FZD8: variants seen among roughly 807,000 people sequenced by gnomAD.
FZD8 encodes frizzled-8.
FZD8 carries 18 observed loss-of-function variants against 46.0 expected under a neutral mutation model. That is an observed-to-expected ratio of 0.39 (90% CI 0.27 to 0.58). The LOEUF (loss-of-function observed/expected upper bound fraction) is 0.58, where lower values mean the gene tolerates loss of function less well. FZD8 is among the 20% of genes least tolerant of loss of function. The probability of loss-of-function intolerance (pLI) is 0.55; values close to 1 mark genes in which losing one functional copy is unlikely to be tolerated. For missense variants in FZD8, 785 were observed against 983.4 expected (o/e 0.80, Z 2.70); for synonymous variants, 586 against 467.9 (o/e 1.25, Z -3.26).
At position 35,641,638 on chromosome 10, in the gene FZD8, C is replaced by T. The variant is rs1031405557; in HGVS notation, c.-209G>A. On this transcript the variant is annotated 5_prime_UTR_variant, in exon 1 of 1. Coordinates refer to ENST00000374694, the MANE Select transcript of FZD8 (RefSeq NM_031866.3). This position sits in a 1 kb window ranked among gnomAD's most constrained non-coding sequence, Gnocchi z 6.3. ...GCCCGCAGCCTGGGCAGGGCCCTTCCGCACTCCTTTCCGCCGCTCCGGGGG... is the reference window on the plus strand; with the variant it reads ...GCCCGCAGCCTGGGCAGGGCCCTTCTGCACTCCTTTCCGCCGCTCCGGGGG... The T allele has an allele frequency of 2.9e-5, 18 of 614,468 alleles. No homozygotes were observed. Among genetic ancestry groups the T allele is most frequent in the Non-Finnish European group, 3.6e-5 (13 of 364,964 alleles). 38.1% of individuals were successfully genotyped at this position (614,468 alleles called of 1,614,324 possible).
In FZD8 at chr10:35,640,357, G is replaced by GC. The variant is rs1835835587; in HGVS notation, c.1072dup (p.Ala358GlyfsTer363). On this transcript the variant is annotated frameshift_variant, in exon 1 of 1. Coordinates refer to ENST00000374694, the MANE Select transcript of FZD8 (RefSeq NM_031866.3). LOFTEE classifies it high-confidence loss of function. The stretch of plus-strand genomic sequence containing the variant: ...GCCCGCGCCCGCCGCGCCCGCGCCC[G>GC]CCGCCGCGCCGCCCGCGCCCCCAGC... The GC allele has an allele frequency of 1.0e-6, 1 of 962,170 alleles. No individual in the cohort carries two copies. 59.6% of individuals were successfully genotyped at this position (962,170 alleles called of 1,614,324 possible).
Position 35,640,644 on chromosome 10 carries a change from C to T in FZD8, c.786G>A (p.Leu262=). ...VKTGQIANCA[L]PCHNPFFSQD... ...GGCTGAAAAAGGGGTTGTGGCAGGG[C>T]AGCGCGCAGTTAGCGATCTGGCCTG... Residue 262 remains leucine, a synonymous_variant, in exon 1 of 1, where the codon CTG becomes CTA. Transcript: ENST00000374694. 6.3e-7 allele frequency: 1 copy of T among 1,581,198 alleles called. No homozygotes were observed. The highest frequency in any genetic ancestry group is 8.6e-7 in the Non-Finnish European group (1 of 1,161,950).
chr10:35,641,442 G>T lies in FZD8; in HGVS notation c.-13C>A, dbSNP rs749960442. 2 of 1,584,658 alleles carry T rather than the reference G, an allele frequency of 1.3e-6. No homozygotes were observed. The highest frequency in any genetic ancestry group is 1.7e-6 in the Non-Finnish European group (2 of 1,168,154). On this transcript the variant is annotated 5_prime_UTR_variant, in exon 1 of 1. Coordinates refer to ENST00000374694, the MANE Select transcript of FZD8 (RefSeq NM_031866.3). The surrounding 1 kb of genome is among the most constrained non-coding windows in gnomAD (Gnocchi z 6.3). ...AACCCCACTCCATGCTGTGCGCCTC[G>T]GCCCGGTGCCCTCGCCCTCCAGGCG...
At position 35,639,589 on chromosome 10, in the gene FZD8, C is replaced by T; in HGVS notation, c.1841G>A (p.Arg614His). 1 of 1,596,116 alleles carries T rather than the reference C, an allele frequency of 6.3e-7. No individual in the cohort carries two copies. Among genetic ancestry groups the T allele is most frequent in the Non-Finnish European group, 8.5e-7 (1 of 1,178,750 alleles). Residue 614 changes from arginine (R) to histidine (H), a missense_variant, in exon 1 of 1, where the codon CGC becomes CAC. Physicochemically the swap from Arg to His is conservative, Grantham distance 29 (BLOSUM62 0). Around this residue, in one of 5 missense-constraint regions of FZD8, gnomAD observed 185 missense variants for 180.8 expected, o/e 1.02. Coordinates refer to ENST00000374694, the MANE Select transcript of FZD8 (RefSeq NM_031866.3). The part of the protein sequence containing the change: ...VWSGKTLESW[R>H]SLCTRCCWAS... The stretch of plus-strand genomic sequence containing the variant: ...CCAGCAGCAGCGGGTGCACAGGGAG[C>T]GCCAGGACTCCAGCGTCTTGCCGGA...
chr10:35,639,575 G>T lies in FZD8; in HGVS notation c.1855C>A (p.Arg619Ser), dbSNP rs1252685444. 6 of 1,571,882 alleles carry T rather than the reference G, an allele frequency of 3.8e-6. No homozygotes were observed. Among genetic ancestry groups the T allele is most frequent in the Non-Finnish European group, 5.1e-6 (6 of 1,165,600 alleles). Residue 619 changes from arginine (R) to serine (S), a missense_variant, in exon 1 of 1, where the codon CGC (arginine) becomes AGC (serine). By Grantham distance (110) the Arg-to-Ser change is moderately radical. Transcript: ENST00000374694. ...GCGCCCTTGCTGGCCCAGCAGCAGC[G>T]GGTGCACAGGGAGCGCCAGGACTCC... ...TLESWRSLCTRCCWASKGAAV... is the reference protein window; with the variant it reads ...TLESWRSLCTSCCWASKGAAV...
In FZD8 at chr10:35,640,132, G is replaced by A; in HGVS notation, c.1298C>T (p.Ala433Val). Residue 433 changes from alanine (A) to valine (V), a missense_variant, in exon 1 of 1, where the codon GCC becomes GTC. Transcript: ENST00000374694. ...LAAGMKWGNEAIAGYSQYFHL... is the reference protein window; with the variant it reads ...LAAGMKWGNEVIAGYSQYFHL... The stretch of plus-strand genomic sequence containing the variant: ...GAAGTACTGCGAGTAGCCGGCGATG[G>A]CTTCGTTGCCCCACTTCATACCGGC... 6.2e-7 allele frequency: 1 copy of A among 1,613,164 alleles called. No individual in the cohort carries two copies. The highest frequency in any genetic ancestry group is 2.2e-5 in the East Asian group (1 of 44,852).
chr10:35,641,773 G>GCGCT lies in FZD8; in HGVS notation c.-348_-345dup, dbSNP rs911503519. 1.6e-5 allele frequency: 3 copies of GCGCT among 192,008 alleles called. No individual in the cohort carries two copies. Among genetic ancestry groups the GCGCT allele is most frequent in the Admixed American group, 1.2e-4 (2 of 16,270 alleles). 11.9% of individuals were successfully genotyped at this position (192,008 alleles called of 1,614,324 possible). On this transcript the variant is annotated 5_prime_UTR_variant, in exon 1 of 1. Transcript: ENST00000374694. This position sits in a 1 kb window ranked among gnomAD's most constrained non-coding sequence, Gnocchi z 6.3. ...CGGCCGGGCCTCGGCTCATCGTCCCGCGCTCGCTCGCCTCCTCTCCGCGCG... is the reference window on the plus strand; with the variant it reads ...CGGCCGGGCCTCGGCTCATCGTCCCGCGCTCGCTCGCTCGCCTCCTCTCCGCGCG...
chr10:35,639,585 G>A lies in FZD8; in HGVS notation c.1845C>T (p.Ser615=), dbSNP rs762940315. Residue 615 remains serine, a synonymous_variant, in exon 1 of 1, where the codon TCC becomes TCT. Coordinates refer to ENST00000374694, the MANE Select transcript of FZD8 (RefSeq NM_031866.3). ...TGGCCCAGCAGCAGCGGGTGCACAG[G>A]GAGCGCCAGGACTCCAGCGTCTTGC... ...WSGKTLESWR[S]LCTRCCWASK... The A allele has an allele frequency of 3.1e-6, 5 of 1,593,628 alleles. No individual in the cohort carries two copies. The highest frequency in any genetic ancestry group is 4.2e-6 in the Non-Finnish European group (5 of 1,177,458).
Position 35,641,561 on chromosome 10 carries a change from G to C in FZD8, c.-132C>G. 8.1e-7 allele frequency: 1 copy of C among 1,232,592 alleles called. No homozygotes were observed. Among genetic ancestry groups the C allele is most frequent in the South Asian group, 1.6e-5 (1 of 63,524 alleles). The allele number at this position is 1,232,592 out of a possible 1,614,324, so 76.4% of individuals were successfully genotyped here. ...GTCTCCCTTATGCTTCGCCCGGGAG[G>C]GGGGTCTGCCGATAATCTAACCCCT... On this transcript the variant is annotated 5_prime_UTR_variant, in exon 1 of 1. Transcript: ENST00000374694. The surrounding 1 kb of genome is among the most constrained non-coding windows in gnomAD (Gnocchi z 6.3).
Position 35,639,826 on chromosome 10 carries a change from A to G in FZD8, c.1604T>C (p.Leu535Pro). Reference sequence around the variant, plus strand: ...GGGCACGGTGTAGAGCACGGTGAACAGGCCCAGGCGGATCATCAGCTTCTC... The same window carrying G: ...GGGCACGGTGTAGAGCACGGTGAACGGGCCCAGGCGGATCATCAGCTTCTC... ...KLEKLMIRLG[L>P]FTVLYTVPAA... Residue 535 changes from leucine (L) to proline (P), a missense_variant, in exon 1 of 1, where the codon CTG becomes CCG. By Grantham distance (98) the Leu-to-Pro change is moderately conservative. Around this residue, in one of 5 missense-constraint regions of FZD8, gnomAD observed 147 missense variants for 242.5 expected, o/e 0.61. Transcript: ENST00000374694. The G allele has an allele frequency of 6.5e-7, 1 of 1,545,184 alleles. No individual in the cohort carries two copies. Among genetic ancestry groups the G allele is most frequent in the Non-Finnish European group, 8.7e-7 (1 of 1,149,188 alleles).
At position 35,641,187 on chromosome 10, in the gene FZD8, C is replaced by T; in HGVS notation, c.243G>A (p.Ser81=). 1 of 1,613,900 alleles carries T rather than the reference C, an allele frequency of 6.2e-7. No homozygotes were observed. The highest frequency in any genetic ancestry group is 8.5e-7 in the Non-Finnish European group (1 of 1,179,892). Residue 81 remains serine (S), a synonymous_variant, in exon 1 of 1, where the codon TCG becomes TCA. Coordinates refer to ENST00000374694, the MANE Select transcript of FZD8 (RefSeq NM_031866.3). This position sits in a 1 kb window ranked among gnomAD's most constrained non-coding sequence, Gnocchi z 6.3. ...QFWPLVEIQC[S]PDLKFFLCSM... ...TGCACAGGAAGAACTTGAGATCGGGCGAGCACTGGATCTCCACCAGCGGCC... is the reference window on the plus strand; with the variant it reads ...TGCACAGGAAGAACTTGAGATCGGGTGAGCACTGGATCTCCACCAGCGGCC...
rs1040736499 is a variant in FZD8, at chr10:35,641,727, C to G, written c.-298G>C. On this transcript the variant is annotated 5_prime_UTR_variant, in exon 1 of 1. Transcript: ENST00000374694. This position sits in a 1 kb window ranked among gnomAD's most constrained non-coding sequence, Gnocchi z 6.3. The stretch of plus-strand genomic sequence containing the variant: ...TCCGCTCTGCTGGCCCCGGGTCGCG[C>G]TCAGCCCTCGCGGCGCAGAGCGGCC... 1 of 280,886 alleles carries G rather than the reference C, an allele frequency of 3.6e-6. No homozygotes were observed. The highest frequency in any genetic ancestry group is 6.6e-6 in the Non-Finnish European group (1 of 152,092). The allele number at this position is 280,886 out of a possible 1,614,324, so 17.4% of individuals were successfully genotyped here.
In FZD8 at chr10:35,640,914, G is replaced by GGGCGGC. The variant is rs751784998; in HGVS notation, c.510_515dup (p.Pro171_Pro172dup). 1.1e-5 allele frequency: 14 copies of GGGCGGC among 1,227,166 alleles called. No individual in the cohort carries two copies. The highest frequency in any genetic ancestry group is 1.1e-4 in the South Asian group (3 of 28,140). 76.0% of individuals were successfully genotyped at this position (1,227,166 alleles called of 1,614,324 possible). On this transcript the variant is annotated inframe_insertion, in exon 1 of 1. Coordinates refer to ENST00000374694, the MANE Select transcript of FZD8 (RefSeq NM_031866.3). ...CGCTGCCCGAAGGCGGCTGCTCGCCGGGCGGCGGCGGCGGCAGGCGGCGCG... is the reference window on the plus strand; with the variant it reads ...CGCTGCCCGAAGGCGGCTGCTCGCCGGGCGGCGGCGGCGGCGGCGGCAGGCGGCGCG...
In FZD8 at chr10:35,640,914, GGGC is replaced by G. The variant is rs751784998; in HGVS notation, c.513_515del (p.Pro172del). The G allele has an allele frequency of 1.3e-4, 162 of 1,224,702 alleles. No homozygotes were observed. The highest frequency in any genetic ancestry group is 2.5e-4 in the South Asian group (7 of 28,084). The allele number at this position is 1,224,702 out of a possible 1,614,324, so 75.9% of individuals were successfully genotyped here. A position where few individuals can be genotyped will look rare whatever the true frequency, so the allele number is the denominator to read the frequency against. On this transcript the variant is annotated inframe_deletion, in exon 1 of 1. Coordinates refer to ENST00000374694, the MANE Select transcript of FZD8 (RefSeq NM_031866.3). ...CGCTGCCCGAAGGCGGCTGCTCGCC[GGGC>G]GGCGGCGGCGGCAGGCGGCGCGGCG... is the stretch of plus-strand genomic sequence containing the variant.
rs1835796595 is a variant in FZD8 at position 35,638,435 on chromosome 10, A to G, written c.*910T>C. 6.5e-6 allele frequency: 1 copy of G among 152,732 alleles called. No individual in the cohort carries two copies. The highest frequency in any genetic ancestry group is 1.5e-5 in the Non-Finnish European group (1 of 68,038). The allele number at this position is 152,732 out of a possible 1,614,324, so 9.5% of individuals were successfully genotyped here. Reference sequence around the variant, plus strand: ...AAAAACTCAATTTTGATTTCAGTTCAACAATGATATTTACTTGGCTAACAA... The same window carrying G: ...AAAAACTCAATTTTGATTTCAGTTCGACAATGATATTTACTTGGCTAACAA... On this transcript the variant is annotated 3_prime_UTR_variant, in exon 1 of 1. Transcript: ENST00000374694.
Position 35,639,069 on chromosome 10 carries a change from C to G in FZD8, c.*276G>C, listed in dbSNP as rs896114064. ...TTCTGGAAACGCCGCAGAGTCCACC[C>G]TCCTCAGCCAACAGAAATTAACGCG... is the stretch of plus-strand genomic sequence containing the variant. On this transcript the variant is annotated 3_prime_UTR_variant, in exon 1 of 1. Transcript: ENST00000374694. 3 of 159,730 alleles carry G rather than the reference C, an allele frequency of 1.9e-5. No individual in the cohort carries two copies. Among genetic ancestry groups the G allele is most frequent in the Non-Finnish European group, 4.1e-5 (3 of 72,626 alleles). 9.9% of individuals were successfully genotyped at this position (159,730 alleles called of 1,614,324 possible).
Position 35,640,992 on chromosome 10 carries a change from C to A in FZD8, c.438G>T (p.Thr146=). ...DRLPEQGNPD[T]LCMDYNRTDL... Reference sequence around the variant, plus strand: ...CGGTGCGGTTGTAGTCCATGCACAGCGTGTCAGGGTTGCCTTGCTCGGGCA... The same window carrying A: ...CGGTGCGGTTGTAGTCCATGCACAGAGTGTCAGGGTTGCCTTGCTCGGGCA... The change falls in exon 1 of 1, where the codon ACG becomes ACT. Residue 146 remains threonine, a synonymous_variant. Transcript: ENST00000374694. 6.2e-7 allele frequency: 1 copy of A among 1,602,956 alleles called. No homozygotes were observed. Among genetic ancestry groups the A allele is most frequent in the Non-Finnish European group, 8.5e-7 (1 of 1,175,888 alleles).
Position 35,641,720 on chromosome 10 carries a change from G to C in FZD8, c.-291C>G. ...CCGTAGGTCCGCTCTGCTGGCCCCG[G>C]GTCGCGCTCAGCCCTCGCGGCGCAG... On this transcript the variant is annotated 5_prime_UTR_variant, in exon 1 of 1. Transcript: ENST00000374694. This position sits in a 1 kb window ranked among gnomAD's most constrained non-coding sequence, Gnocchi z 6.3. The C allele has an allele frequency of 6.6e-6, 2 of 301,786 alleles. No individual in the cohort carries two copies. Among genetic ancestry groups the C allele is most frequent in the Non-Finnish European group, 1.2e-5 (2 of 164,920 alleles). 18.7% of individuals were successfully genotyped at this position (301,786 alleles called of 1,614,324 possible).
At position 35,641,096 on chromosome 10, in the gene FZD8, C is replaced by G; in HGVS notation, c.334G>C (p.Glu112Gln). ...KPLPPCRSVC[E>Q]RAKAGCAPLM... Reference sequence around the variant, plus strand: ...GGCGCGCAGCCGGCCTTGGCGCGCTCGCACACCGAGCGGCAGGGCGGCAGC... The same window carrying G: ...GGCGCGCAGCCGGCCTTGGCGCGCTGGCACACCGAGCGGCAGGGCGGCAGC... Residue 112 changes from glutamate to glutamine, a missense_variant, in exon 1 of 1, where the codon GAG (glutamate) becomes CAG (glutamine). Glu to Gln is a conservative substitution (Grantham distance 29). Around this residue, in one of 5 missense-constraint regions of FZD8, gnomAD observed 354 missense variants for 433.2 expected, o/e 0.82. Transcript: ENST00000374694. This position sits in a 1 kb window ranked among gnomAD's most constrained non-coding sequence, Gnocchi z 6.3. 2 of 1,611,858 alleles carry G rather than the reference C, an allele frequency of 1.2e-6. No homozygotes were observed. Among genetic ancestry groups the G allele is most frequent in the Non-Finnish European group, 1.7e-6 (2 of 1,179,570 alleles).
Sources: allele counts gnomAD v4.1 joint callset, GRCh38; gene constraint gnomAD v4.1.1; regional missense constraint gnomAD v4.1.1; non-coding constraint Gnocchi (gnomAD v3.1); transcripts MANE v1.5; gene names NCBI Gene and HGNC (gene_info 2026-07-23, HGNC 2026-07-21).